CAMK1D: variants seen among roughly 807,000 people sequenced by gnomAD.
The protein encoded by CAMK1D is calcium/calmodulin-dependent protein kinase type 1D.
A neutral mutation model predicts 47.7 loss-of-function variants in CAMK1D; 9 were observed. The observed-to-expected ratio is 0.19, with a 90% CI of 0.11 to 0.33. CAMK1D has a LOEUF of 0.33. CAMK1D is among the 10% of genes least tolerant of loss of function. The probability of loss-of-function intolerance (pLI) is 1.00; values close to 1 mark genes in which losing one functional copy is unlikely to be tolerated. For synonymous variants in CAMK1D, 184 were observed against 184.9 expected (o/e 0.99, Z 0.04); for missense variants, 291 against 488.7 (o/e 0.60, Z 3.81).
intron 5 of CAMK1D, among the ~76,000 whole-genome samples, chr10:12,776,801 A>T (rs1483273603): frequency 6.6e-6 from 1 of 152,122 alleles, no homozygotes; most frequent in African/African-American, 2.4e-5. Context: ...AAACAGGGAG[A>T]TCTCCAACAA....
At chr10:12,413,608 G>GACC (rs2131949291) in intron 1 of CAMK1D, among the ~76,000 whole-genome samples, 7 of 152,356 alleles carry the variant, frequency 4.6e-5, no homozygotes, top group African/African-American at 1.7e-4. Flanking sequence ...TGATGATGAT[G>GACC]GTGATGCTAA....
At chr10:12,442,047 C>A (rs183551476) in intron 1 of CAMK1D, among the ~76,000 whole-genome samples, 4 of 152,278 alleles carry the variant, frequency 2.6e-5, no homozygotes, top group Non-Finnish European at 5.9e-5. Flanking sequence ...TTATAAAAGA[C>A]AATCTCTTTG....
Position 12,834,238 on chromosome 10 carries a change from G to C in CAMK1D, c.*5351G>C. On this transcript the variant is annotated 3_prime_UTR_variant, in exon 11 of 11. Transcript: ENST00000619168. ...CACCTGGCACCTGTTCGGTGGTCCC[G>C]GGGCATCATGGTCTGCAGCTCTGGG... 1 of 152,438 alleles carries C rather than the reference G, an allele frequency of 6.6e-6. No individual in the cohort carries two copies. The highest frequency in any genetic ancestry group is 1.5e-5 in the Non-Finnish European group (1 of 68,182). 9.4% of individuals were successfully genotyped at this position (152,438 alleles called of 1,614,324 possible).
chr10:12,559,495 G>A lies in CAMK1D; in HGVS notation c.224+6139G>A, dbSNP rs1836869781. 1.3e-5 allele frequency among the ~76,000 whole-genome samples: 2 copies of A among 152,086 alleles called. 1 individual carries two copies. Among genetic ancestry groups the A allele is most frequent in the African/African-American group, 4.8e-5 (2 of 41,384 alleles). On this transcript the variant is annotated intron_variant, in intron 2 of 10. Coordinates refer to ENST00000619168, the MANE Select transcript of CAMK1D (RefSeq NM_153498.4). ...GTCCGCTGATTTCACCTCCCAGGGT[G>A]GAGCTGCTCCGTATGATGACTAGGA...
chr10:12,350,507 C>T (rs1019549216), intron 1 of CAMK1D, among the ~76,000 whole-genome samples: 2 of 152,174 alleles, frequency 1.3e-5, no homozygotes, highest in Admixed American at 6.5e-5. Flanking sequence ...CACGCGGGCT[C>T]GGCCGCACGC....
At chr10:12,638,003 G>A (rs962724180) in intron 2 of CAMK1D, among the ~76,000 whole-genome samples, 2 of 152,122 alleles carry the variant, frequency 1.3e-5, no homozygotes, top group African/African-American at 4.8e-5. Flanking sequence ...CCTGACCTGT[G>A]CCTCTAGTGA....
At chr10:12,524,490 G>A (rs908876390) in intron 1 of CAMK1D, among the ~76,000 whole-genome samples, 2 of 151,874 alleles carry the variant, frequency 1.3e-5, no homozygotes, top group Non-Finnish European at 2.9e-5. Flanking sequence ...GGCGGATCAC[G>A]AGGTCAGGAG....
chr10:12,390,446 C>G (rs902754696), intron 1 of CAMK1D, among the ~76,000 whole-genome samples: 2 of 152,168 alleles, frequency 1.3e-5, no homozygotes, highest in African/African-American at 4.8e-5. Flanking sequence ...GACATTGTAT[C>G]TCTAGCTCTG....
chr10:12,560,819 TATG>T (rs1836916068), intron 2 of CAMK1D, among the ~76,000 whole-genome samples: 1 of 152,094 alleles, frequency 6.6e-6, no homozygotes, highest in Non-Finnish European at 1.5e-5. Context: ...AAGCCTTACT[TATG>T]ATGACACATA....
At chr10:12,480,160 A>C (rs1834020905) in intron 1 of CAMK1D, among the ~76,000 whole-genome samples, 1 of 152,084 alleles carries the variant, frequency 6.6e-6, no homozygotes, top group African/African-American at 2.4e-5. Context: ...ATCTAATTTA[A>C]AATACTTGGC....
chr10:12,834,716 G>A lies in CAMK1D; in HGVS notation c.*5829G>A, dbSNP rs1188256522. Reference sequence around the variant, plus strand: ...ACAGGAAAAAAGAAAATGAGGAGGAGTTGGTTTTACTCTTAGAGATAAGAC... The same window carrying A: ...ACAGGAAAAAAGAAAATGAGGAGGAATTGGTTTTACTCTTAGAGATAAGAC... On this transcript the variant is annotated 3_prime_UTR_variant, in exon 11 of 11. Transcript: ENST00000619168. 6.6e-6 allele frequency: 1 copy of A among 152,126 alleles called. No individual in the cohort carries two copies. The highest frequency in any genetic ancestry group is 1.5e-5 in the Non-Finnish European group (1 of 68,040). The allele number at this position is 152,126 out of a possible 1,614,324, so 9.4% of individuals were successfully genotyped here. A position where few individuals can be genotyped will look rare whatever the true frequency, so the allele number is the denominator to read the frequency against.
chr10:12,505,862 CT>C (rs2132151917), intron 1 of CAMK1D, among the ~76,000 whole-genome samples: 1 of 88,784 alleles, frequency 1.1e-5, no homozygotes, highest in Admixed American at 1.3e-4. Context: ...TGTCATCTTC[CT>C]CCTCCTCCTC....
chr10:12,410,267 TTCTTTCTGTC>T (rs1306174715), intron 1 of CAMK1D, among the ~76,000 whole-genome samples: 4 of 152,246 alleles, frequency 2.6e-5, no homozygotes, highest in South Asian at 4.1e-4. Context: ...CCATTTCCTG[TTCTTTCTGTC>T]TCTTTCTGTG....
chr10:12,436,507 C>CT (rs1472162477), intron 1 of CAMK1D, among the ~76,000 whole-genome samples: 1 of 152,196 alleles, frequency 6.6e-6, no homozygotes, highest in Non-Finnish European at 1.5e-5. Flanking sequence ...GAAAGGACAA[C>CT]TTTTGACTTC....
At chr10:12,569,923 C>T (rs142434113) in intron 2 of CAMK1D, among the ~76,000 whole-genome samples, 2,656 of 150,500 alleles carry the variant, frequency 0.018, 78 homozygotes, top group African/African-American at 0.061. Context: ...TATTTTAGGC[C>T]GGGCATGGTG....
intron 1 of CAMK1D, among the ~76,000 whole-genome samples, chr10:12,536,696 C>CATA (rs1232609014): frequency 2.6e-5 from 4 of 152,190 alleles, no homozygotes; most frequent in Admixed American, 1.3e-4. Context: ...GTATTATATA[C>CATA]CCAAACAATG....
At chr10:12,524,441 C>T (rs548223098) in intron 1 of CAMK1D, among the ~76,000 whole-genome samples, 28 of 152,212 alleles carry the variant, frequency 1.8e-4, no homozygotes, top group Middle Eastern at 3.4e-3. Context: ...GGCGCGGTGG[C>T]GCACGCCTGT....
At chr10:12,777,253 C>T (rs1165884608) in intron 5 of CAMK1D, among the ~76,000 whole-genome samples, 2 of 151,600 alleles carry the variant, frequency 1.3e-5, no homozygotes, top group South Asian at 2.1e-4. Context: ...AGAAAGAGTG[C>T]TGGCGGAGAG....
intron 9 of CAMK1D, among the ~76,000 whole-genome samples, chr10:12,824,763 G>C (rs543043651): frequency 9.2e-5 from 14 of 152,294 alleles, no homozygotes; most frequent in African/African-American, 3.1e-4. Flanking sequence ...GACAGCAATA[G>C]TGCCAGCTCT....
Sources: allele counts gnomAD v4.1 joint callset (sites outside exome capture counted in the v4.1 genomes callset), GRCh38; gene constraint gnomAD v4.1.1; transcripts MANE v1.5; gene names NCBI Gene and HGNC (gene_info 2026-07-23, HGNC 2026-07-21).